Variants in PRDM15 observed in about 807,000 individuals in gnomAD.
PRDM15 encodes the protein PR/SET domain 15.
In PRDM15, 64 loss-of-function variants were observed where a neutral mutation model predicts 128.6. The ratio of observed to expected loss-of-function variants is 0.50; its 90% CI spans 0.41 to 0.61. PRDM15 has a LOEUF of 0.61. PRDM15 is among the 20% of genes least tolerant of loss of function. PRDM15 has a pLI of 0.00. For missense variants in PRDM15, 1,242 were observed against 1,569.1 expected, an observed-to-expected ratio of 0.79 and a Z score of 3.52; for synonymous variants, 615 against 621.8, an observed-to-expected ratio of 0.99 and a Z score of 0.16.
chr21:41,816,739 G>A (rs2062065802), intron 18 of PRDM15, among the ~76,000 whole-genome samples: 1 of 152,146 alleles, frequency 6.6e-6, no homozygotes. Flanking sequence ...TGCGCGGCTG[G>A]GCCAGCAGGG....
At chr21:41,833,882 C>T (rs1008759476) in intron 11 of PRDM15, among the ~76,000 whole-genome samples, 1 of 152,208 alleles carries the variant, frequency 6.6e-6, no homozygotes, top group South Asian at 2.1e-4. Flanking sequence ...ACCAGAGCGC[C>T]TTAGCTGGTA....
Position 41,828,103 on chromosome 21 carries a change from G to T in PRDM15, c.1534+63C>A. 6.3e-7 allele frequency: 1 copy of T among 1,574,956 alleles called. No homozygotes were observed. The highest frequency in any genetic ancestry group is 2.2e-4 in the Middle Eastern group (1 of 4,470). On this transcript the variant is annotated intron_variant, in intron 12 of 23. Transcript: ENST00000398548. This position sits in a 1 kb window ranked among gnomAD's most constrained non-coding sequence, Gnocchi z 5.7. The stretch of plus-strand genomic sequence containing the variant: ...AAGGCCCTGCTGACTGCTCCATGCC[G>T]CCCTGCCCCACCCCGCAGGAGCTGC...
At chr21:41,816,180 G>A (rs1177337300) in intron 18 of PRDM15, among the ~76,000 whole-genome samples, 2 of 152,252 alleles carry the variant, frequency 1.3e-5, no homozygotes, top group Non-Finnish European at 2.9e-5. Flanking sequence ...ATACAAGCAT[G>A]ACTAAAGGTT....
At chr21:41,847,000 T>C (rs73361521) in intron 6 of PRDM15, 90 bp downstream of exon 6, 55,813 of 849,998 alleles carry the variant, frequency 0.066, 2,486 homozygotes, top group African/African-American at 0.17. Flanking sequence ...GTCTGGGACA[T>C]CCCGACAGCC....
chr21:41,816,996 TAC>T (rs1256868132), intron 18 of PRDM15, among the ~76,000 whole-genome samples: 4 of 151,762 alleles, frequency 2.6e-5, no homozygotes, highest in African/African-American at 9.7e-5. Context: ...TCAAAACTAA[TAC>T]ACAGTCACAG....
In PRDM15 at chr21:41,810,054, A is replaced by C; in HGVS notation, c.2652+100T>G. The C allele has an allele frequency of 1.7e-6, 2 of 1,202,550 alleles. No individual in the cohort carries two copies. Among genetic ancestry groups the C allele is most frequent in the Non-Finnish European group, 2.3e-6 (2 of 853,454 alleles). The allele number at this position is 1,202,550 out of a possible 1,614,324, so 74.5% of individuals were successfully genotyped here. A position where few individuals can be genotyped will look rare whatever the true frequency, so the allele number is the denominator to read the frequency against. On this transcript the variant is annotated intron_variant, in intron 21 of 23. Coordinates refer to ENST00000398548, the MANE Select transcript of PRDM15 (RefSeq NM_001040424.3). This position sits in a 1 kb window ranked among gnomAD's most constrained non-coding sequence, Gnocchi z 6.4. ...CTAAGACTCAGGGCCTGCCTCCAGT[A>C]CTGGGGGTCTGCAGAGGGAGGTGGG...
intron 13 of PRDM15, among the ~76,000 whole-genome samples, chr21:41,825,288 G>A (rs968783887): frequency 2.0e-5 from 3 of 152,382 alleles, no homozygotes; most frequent in East Asian, 3.9e-4. Flanking sequence ...TGAGGACCAC[G>A]GCATGGACCC....
chr21:41,850,080 C>T (rs2063380867), intron 5 of PRDM15, among the ~76,000 whole-genome samples: 1 of 152,166 alleles, frequency 6.6e-6, no homozygotes, highest in African/African-American at 2.4e-5. Flanking sequence ...CTCTTTTCAC[C>T]AGAAAGGTGA....
intron 11 of PRDM15, among the ~76,000 whole-genome samples, chr21:41,830,375 A>G (rs2146506063): frequency 6.7e-6 from 1 of 148,474 alleles, no homozygotes; most frequent in African/African-American, 2.6e-5. Context: ...ACAAACACAT[A>G]CGCTCAGCAC....
chr21:41,878,830 C>T (rs1210879125), intron 1 of PRDM15: 23 of 987,834 alleles, frequency 2.3e-5, no homozygotes, highest in African/African-American at 1.6e-4. Flanking sequence ...CGGCGGGGGC[C>T]GCGGGGCCGC....
intron 5 of PRDM15, 98 bp from the exon 6 acceptor site, chr21:41,847,289 G>A (rs1041648030): frequency 3.2e-5 from 25 of 789,218 alleles, no homozygotes; most frequent in Non-Finnish European, 4.4e-5. Flanking sequence ...GCTGAGAGGC[G>A]GTGATGACAG....
intron 1 of PRDM15, among the ~76,000 whole-genome samples, chr21:41,872,497 CTT>C (rs2064247818): frequency 6.6e-6 from 1 of 152,122 alleles, no homozygotes; most frequent in Non-Finnish European, 1.5e-5. Context: ...TTATCAATAA[CTT>C]TAATTGATTT....
Position 41,801,194 on chromosome 21 carries a change from C to G in PRDM15, c.*46G>C, listed in dbSNP as rs750318074. The G allele has an allele frequency of 1.4e-5, 21 of 1,500,026 alleles. No individual in the cohort carries two copies. In the South Asian group the frequency reaches 2.4e-4, roughly 17 times the overall value. 92.9% of individuals were successfully genotyped at this position (1,500,026 alleles called of 1,614,324 possible). ...CCAGCAAACACATCTAAACAAATCC[C>G]AAACATCCCTCTGCAGTTCTTGCCC... On this transcript the variant is annotated 3_prime_UTR_variant, in exon 24 of 24. Coordinates refer to ENST00000398548, the MANE Select transcript of PRDM15 (RefSeq NM_001040424.3).
intron 1 of PRDM15, among the ~76,000 whole-genome samples, chr21:41,875,201 A>C (rs113235526): frequency 2.6e-5 from 4 of 151,798 alleles, no homozygotes; most frequent in African/African-American, 9.7e-5. Flanking sequence ...TGCTGTCTGC[A>C]CCTCCCCTCC....
At chr21:41,861,634 C>T (rs775553221) in intron 1 of PRDM15, 5 of 1,613,922 alleles carry the variant, frequency 3.1e-6, no homozygotes, top group African/African-American at 2.7e-5. Context: ...TGCATGCTGG[C>T]ACTTCTTGAA....
chr21:41,871,494 C>A (rs1216159760), intron 1 of PRDM15: 3 of 1,596,702 alleles, frequency 1.9e-6, no homozygotes, highest in Admixed American at 1.7e-5. Flanking sequence ...GTGAGCCCAC[C>A]AGGAGGTAGG....
In PRDM15 at chr21:41,810,821, A is replaced by G; in HGVS notation, c.2408T>C (p.Met803Thr). 1.2e-6 allele frequency: 2 copies of G among 1,614,136 alleles called. No homozygotes were observed. The highest frequency in any genetic ancestry group is 1.7e-6 in the Non-Finnish European group (2 of 1,180,008). The change falls in exon 20 of 24, where the codon ATG (methionine) becomes ACG (threonine). Residue 803 changes from methionine (M) to threonine (T), a missense_variant. Met to Thr is a moderately conservative substitution (Grantham distance 81, BLOSUM62 -1). Around this residue, in one of 3 missense-constraint regions of PRDM15, gnomAD observed 602 missense variants for 788.3 expected, o/e 0.76. Transcript: ENST00000398548. The surrounding 1 kb of genome is among the most constrained non-coding windows in gnomAD (Gnocchi z 6.4). ...CKRHTGIKDF[M>T]CELCGKTFSE... ...GAATGTCTTCCCACACAATTCACAC[A>G]TGAAATCTTTAATCCCTGCAGAGAA...
At chr21:41,838,692 G>A (rs2062975089) in intron 7 of PRDM15, among the ~76,000 whole-genome samples, 1 of 152,188 alleles carries the variant, frequency 6.6e-6, no homozygotes, top group Non-Finnish European at 1.5e-5. Context: ...CCTATTCACA[G>A]AGACCTGGGG....
At chr21:41,849,573 A>G (rs1220597048) in intron 5 of PRDM15, among the ~76,000 whole-genome samples, 1 of 151,198 alleles carries the variant, frequency 6.6e-6, no homozygotes, top group Non-Finnish European at 1.5e-5. Flanking sequence ...AAAAAAAAAA[A>G]GTCTCTGAAC....
Sources: allele counts gnomAD v4.1 joint callset (sites outside exome capture counted in the v4.1 genomes callset), GRCh38; gene constraint gnomAD v4.1.1; regional missense constraint gnomAD v4.1.1; non-coding constraint Gnocchi (gnomAD v3.1); transcripts MANE v1.5; gene names NCBI Gene and HGNC (gene_info 2026-07-23, HGNC 2026-07-21).